DHX36: variants seen among roughly 807,000 people sequenced by gnomAD.
DHX36 encodes ATP-dependent DNA/RNA helicase DHX36.
DHX36 carries 50 observed loss-of-function variants against 139.0 expected under a neutral mutation model. The ratio of observed to expected loss-of-function variants is 0.36; its 90% confidence interval spans 0.29 to 0.46. DHX36 has a LOEUF of 0.46. Ranked by LOEUF, DHX36 falls within the 20% of genes least tolerant of loss-of-function variation. The pLI is 1.00. For synonymous variants in DHX36, 425 were observed against 401.9 expected, an observed-to-expected ratio of 1.06 and a Z score of -0.69; for missense variants, 1,024 against 1,211.3, an observed-to-expected ratio of 0.85 and a Z score of 2.29.
At chr3:154,294,490 CATAATT>C (rs1168768077) in intron 13 of DHX36, among the ~76,000 whole-genome samples, 2 of 152,128 alleles carry the variant, frequency 1.3e-5, no homozygotes, top group Non-Finnish European at 2.9e-5. Flanking sequence ...CAAAGGAATA[CATAATT>C]TACTAGGTTA....
At chr3:154,277,849 C>T in intron 22 of DHX36, 131 bp from the exon 23 acceptor site, 1 of 849,156 alleles carries the variant, frequency 1.2e-6, no homozygotes, top group Non-Finnish European at 1.7e-6. Flanking sequence ...AAAAAAATTC[C>T]AGAGAATAAT....
intron 1 of DHX36, among the ~76,000 whole-genome samples, chr3:154,317,283 A>G (rs1713023643): frequency 6.6e-6 from 1 of 152,066 alleles, no homozygotes; most frequent in South Asian, 2.1e-4. Flanking sequence ...TAGGCAATTA[A>G]GAACAAAGAT....
intron 14 of DHX36, among the ~76,000 whole-genome samples, chr3:154,293,046 A>T (rs879329862): frequency 6.6e-6 from 1 of 152,146 alleles, no homozygotes; most frequent in African/African-American, 2.4e-5. Flanking sequence ...GCATGGTTTA[A>T]TATCAGCTTC....
At chr3:154,302,804 G>A (rs1193034147) in intron 9 of DHX36, among the ~76,000 whole-genome samples, 4 of 152,148 alleles carry the variant, frequency 2.6e-5, no homozygotes, top group East Asian at 1.9e-4. Flanking sequence ...CCAGCCAGGC[G>A]TGGTGGCTCA....
rs745408648 is a variant in DHX36, at chr3:154,324,445, C to A, written c.-29G>T. On this transcript the variant is annotated 5_prime_UTR_variant, in exon 1 of 25. Transcript: ENST00000496811. Reference sequence around the variant, plus strand: ...CCTGGCAGACTACAACCCGTCAGAACCAGCAACCGCTGGAAATGGCGTCCG... The same window carrying A: ...CCTGGCAGACTACAACCCGTCAGAAACAGCAACCGCTGGAAATGGCGTCCG... 1.4e-5 allele frequency: 20 copies of A among 1,453,112 alleles called. No homozygotes were observed. The highest frequency in any genetic ancestry group is 5.3e-5 in the Admixed American group (2 of 37,966). The allele number at this position is 1,453,112 out of a possible 1,614,324, so 90.0% of individuals were successfully genotyped here.
intron 1 of DHX36, among the ~76,000 whole-genome samples, chr3:154,320,009 C>A (rs1713130471): frequency 6.6e-6 from 1 of 152,178 alleles, no homozygotes; most frequent in South Asian, 2.1e-4. Context: ...CGCAATCTGG[C>A]TTTTACTTCC....
intron 13 of DHX36, among the ~76,000 whole-genome samples, chr3:154,294,700 T>A (rs1458710212): frequency 2.0e-5 from 3 of 152,008 alleles, no homozygotes; most frequent in Non-Finnish European, 4.4e-5. Flanking sequence ...GAGAAAAGGA[T>A]AAACTAGAAA....
At chr3:154,322,429 A>AGAAG (rs1290304030) in intron 1 of DHX36, among the ~76,000 whole-genome samples, 2 of 152,258 alleles carry the variant, frequency 1.3e-5, no homozygotes, top group African/African-American at 4.8e-5. Flanking sequence ...ATGACTAGTT[A>AGAAG]GAAGGCAAGA....
chr3:154,296,143 TC>T (rs1712037273), intron 12 of DHX36, among the ~76,000 whole-genome samples: 1 of 152,176 alleles, frequency 6.6e-6, no homozygotes, highest in African/African-American at 2.4e-5. Context: ...AATACCCATG[TC>T]CTAGTTAGAA....
At chr3:154,297,582 G>T (rs568445714) in intron 12 of DHX36, among the ~76,000 whole-genome samples, 80 of 152,130 alleles carry the variant, frequency 5.3e-4, no homozygotes, top group African/African-American at 1.9e-3. Flanking sequence ...GTGGTGATGG[G>T]TGCCTATAAT....
At chr3:154,290,018 C>A (rs185203552) in intron 15 of DHX36, among the ~76,000 whole-genome samples, 192 bp from the exon 16 acceptor site, 1 of 151,854 alleles carries the variant, frequency 6.6e-6, no homozygotes, top group Non-Finnish European at 1.5e-5. Flanking sequence ...AACGTTATAC[C>A]CTCTACCCTC....
chr3:154,316,026 T>C lies in DHX36; in HGVS notation c.368+13A>G, dbSNP rs1439211670. ...TCTTTGCCTATTCTTTAAAAAAATA[T>C]TTCTTGTCGTACCCATGATCCTCAG... On this transcript the variant is annotated intron_variant, in intron 2 of 24. Coordinates refer to ENST00000496811, the MANE Select transcript of DHX36 (RefSeq NM_020865.3). 1.9e-6 allele frequency: 3 copies of C among 1,607,366 alleles called. No homozygotes were observed. The highest frequency in any genetic ancestry group is 1.3e-5 in the African/African-American group (1 of 74,580).
chr3:154,293,657 T>C (rs1200460969), intron 14 of DHX36, 91 bp downstream of exon 14: 13 of 924,998 alleles, frequency 1.4e-5, no homozygotes, highest in Middle Eastern at 3.2e-4. Context: ...ACAAGGTATA[T>C]GGTAGAGAAA....
At chr3:154,297,876 G>A (rs867220330) in intron 12 of DHX36, among the ~76,000 whole-genome samples, 4 of 152,048 alleles carry the variant, frequency 2.6e-5, no homozygotes, top group Non-Finnish European at 4.4e-5. Context: ...GAGAGTTAAT[G>A]AGAACAAAAT....
At chr3:154,300,226 C>G (rs1712212622) in intron 11 of DHX36, among the ~76,000 whole-genome samples, 1 of 151,954 alleles carries the variant, frequency 6.6e-6, no homozygotes, top group Non-Finnish European at 1.5e-5. Flanking sequence ...TGTCACCACG[C>G]CCAGCAAATT....
intron 11 of DHX36, 151 bp downstream of exon 11, chr3:154,300,443 A>T: frequency 1.5e-6 from 1 of 646,666 alleles, no homozygotes; most frequent in South Asian, 1.9e-5. Flanking sequence ...CAAATGCCTA[A>T]ATCTTTTGCT....
chr3:154,305,702 G>A (rs907886915), intron 6 of DHX36, among the ~76,000 whole-genome samples: 5 of 152,140 alleles, frequency 3.3e-5, no homozygotes, highest in African/African-American at 1.2e-4. Flanking sequence ...AGGAGTCTTC[G>A]GCTGCAGTGA....
chr3:154,288,776 T>G, intron 17 of DHX36, 90 bp downstream of exon 17: 1 of 638,950 alleles, frequency 1.6e-6, no homozygotes, highest in Non-Finnish European at 2.4e-6. Flanking sequence ...TTGGTCTACT[T>G]TGCAGTAATG....
chr3:154,282,938 C>T (rs1231632293), intron 20 of DHX36, among the ~76,000 whole-genome samples: 1 of 152,138 alleles, frequency 6.6e-6, no homozygotes, highest in East Asian at 1.9e-4. Flanking sequence ...AAAATAGCAA[C>T]TAGAATGTGG....
Sources: gnomAD v4.1 joint callset for allele counts (sites outside exome capture counted in the v4.1 genomes callset) on GRCh38, gnomAD v4.1.1 for gene constraint, MANE v1.5 for transcripts, NCBI Gene and HGNC (gene_info 2026-07-23, HGNC 2026-07-21) for gene names.